The following SOD2 variants were observed in gnomAD, a reference collection of about 807,000 sequenced individuals.
The protein encoded by SOD2 is superoxide dismutase 2.
SOD2 carries 11 observed loss-of-function variants against 27.0 expected under a neutral mutation model. The ratio of observed to expected loss-of-function variants is 0.41; its 90% CI spans 0.26 to 0.67. The LOEUF (loss-of-function observed/expected upper bound fraction) is 0.67, where lower values mean the gene tolerates loss of function less well. SOD2 is among the 30% of genes least tolerant of loss of function. The probability of loss-of-function intolerance (pLI) is 0.34; values close to 1 mark genes in which losing one functional copy is unlikely to be tolerated. For missense variants in SOD2, 250 were observed against 274.5 expected, an observed-to-expected ratio of 0.91 and a Z score of 0.63; for synonymous variants, 105 against 103.0, an observed-to-expected ratio of 1.02 and a Z score of -0.12.
upstream of SOD2, among the ~76,000 whole-genome samples, chr6:159,746,380 G>A (rs947209574): frequency 6.6e-6 from 1 of 152,166 alleles, no homozygotes; most frequent in Non-Finnish European, 1.5e-5. Flanking sequence ...GTTTGTATTA[G>A]GTACCTGTCC....
chr6:159,686,184 G>A (rs1780177948), intron 3 of SOD2, among the ~76,000 whole-genome samples: 1 of 151,844 alleles, frequency 6.6e-6, no homozygotes, highest in African/African-American at 2.4e-5. Context: ...CTTATTCTAC[G>A]GGTTTAAAAG....
chr6:159,720,246 T>G (rs1778007924), intron 1 of SOD2, among the ~76,000 whole-genome samples: 1 of 152,060 alleles, frequency 6.6e-6, no homozygotes, highest in Non-Finnish European at 1.5e-5. Context: ...AGACAGAGTT[T>G]CACCATGTTG....
At chr6:159,730,490 G>T (rs1038331746), upstream of SOD2, among the ~76,000 whole-genome samples, 4 of 152,068 alleles carry the variant, frequency 2.6e-5, no homozygotes, top group Non-Finnish European at 5.9e-5. Flanking sequence ...CGGTACATTC[G>T]TGTGGTGTGA....
At chr6:159,703,950 G>T (rs1330673043) in intron 1 of SOD2, among the ~76,000 whole-genome samples, 1 of 152,190 alleles carries the variant, frequency 6.6e-6, no homozygotes, top group African/African-American at 2.4e-5. Context: ...GTAAGCATGT[G>T]ACACAAGCCT....
intron 1 of SOD2, among the ~76,000 whole-genome samples, chr6:159,742,750 G>A (rs1391314217): frequency 6.6e-6 from 1 of 152,110 alleles, no homozygotes; most frequent in Admixed American, 6.6e-5. Context: ...ACCCATAGAA[G>A]TCATGAACAT....
chr6:159,708,895 A>G (rs994934001), intron 1 of SOD2, among the ~76,000 whole-genome samples: 1 of 152,270 alleles, frequency 6.6e-6, no homozygotes, highest in Non-Finnish European at 1.5e-5. Flanking sequence ...CCAAAACAGC[A>G]TAGTACTGGT....
rs1395597772 is a variant in SOD2 at position 159,672,268 on chromosome 6, G to A, written c.*10225C>T. 6.6e-6 allele frequency: 1 copy of A among 152,132 alleles called. No homozygotes were observed. Among genetic ancestry groups the A allele is most frequent in the Non-Finnish European group, 1.5e-5 (1 of 68,026 alleles). 9.4% of individuals were successfully genotyped at this position (152,132 alleles called of 1,614,324 possible). A position where few individuals can be genotyped will look rare whatever the true frequency, so the allele number is the denominator to read the frequency against. On this transcript the variant is annotated 3_prime_UTR_variant, in exon 5 of 5. Transcript: ENST00000538183. ...GCCACAAAGATACTCCTCGAGAAGAGCAACTCCAAGACACATAATTGTCAG... is the reference window on the plus strand; with the variant it reads ...GCCACAAAGATACTCCTCGAGAAGAACAACTCCAAGACACATAATTGTCAG...
upstream of SOD2, chr6:159,748,740 C>A: frequency 8.1e-7 from 1 of 1,238,106 alleles, no homozygotes; most frequent in Non-Finnish European, 1.0e-6. This position sits in a 1 kb window ranked among gnomAD's most constrained non-coding sequence, Gnocchi z 5.6. Flanking sequence ...TGTCTTCAGA[C>A]AGTTTGAAGG....
intron 1 of SOD2, among the ~76,000 whole-genome samples, chr6:159,734,333 T>A (rs115086776): frequency 0.015 from 2,229 of 146,596 alleles, 53 homozygotes; most frequent in African/African-American, 0.053. Flanking sequence ...TTCGAGATGA[T>A]GCCACAGCAC....
chr6:159,753,517 G>T (rs1364900465), intron 1 of SOD2: 19 of 1,614,214 alleles, frequency 1.2e-5, no homozygotes, highest in Non-Finnish European at 1.6e-5. Context: ...AGAATCAAGA[G>T]CTTGGAAGGC....
At chr6:159,743,042 TTTTA>T (rs903710544) in intron 1 of SOD2, among the ~76,000 whole-genome samples, 3 of 152,196 alleles carry the variant, frequency 2.0e-5, no homozygotes, top group Admixed American at 2.0e-4. Context: ...GTTATTACTA[TTTTA>T]TTTATTTATT....
upstream of SOD2, chr6:159,727,623 C>T: frequency 1.0e-6 from 1 of 985,678 alleles, no homozygotes; most frequent in Non-Finnish European, 1.2e-6. Context: ...CGCGGTGGCC[C>T]GGGGGGCCCG....
chr6:159,716,317 G>C (rs1203813385), intron 1 of SOD2, among the ~76,000 whole-genome samples: 1 of 152,098 alleles, frequency 6.6e-6, no homozygotes, highest in Non-Finnish European at 1.5e-5. Context: ...CCGGACCCAG[G>C]GACTTTCCAT....
chr6:159,683,565 A>G (rs574099183), intron 4 of SOD2, among the ~76,000 whole-genome samples: 1 of 152,294 alleles, frequency 6.6e-6, no homozygotes, highest in East Asian at 1.9e-4. Context: ...ATCAGTTGTG[A>G]GGGAGGTCAC....
intron 1 of SOD2, chr6:159,761,012 C>G (rs1780112900): frequency 6.6e-6 from 1 of 152,508 alleles, no homozygotes; most frequent in Non-Finnish European, 1.5e-5. Context: ...TCTATTGCCC[C>G]ACCTCTGGGG....
At chr6:159,697,034 G>GACACACACACACACACACAC (rs35334577), upstream of SOD2, among the ~76,000 whole-genome samples, 11 of 132,646 alleles carry the variant, frequency 8.3e-5, no homozygotes, top group Admixed American at 1.6e-4. Flanking sequence ...AGGAGACCCT[G>GACACACACACACACACACAC]ACACACACAC....
Position 159,673,156 on chromosome 6 carries a change from T to G in SOD2, c.*9337A>C, listed in dbSNP as rs1224922060. 6.6e-6 allele frequency: 1 copy of G among 152,062 alleles called. No individual in the cohort carries two copies. Among genetic ancestry groups the G allele is most frequent in the Non-Finnish European group, 1.5e-5 (1 of 68,024 alleles). The allele number at this position is 152,062 out of a possible 1,614,324, so 9.4% of individuals were successfully genotyped here. ...CTCCCACACAATAACAATGGGAGAC[T>G]CTAACACCCCACTGTCAATATTAGA... is the stretch of plus-strand genomic sequence containing the variant. On this transcript the variant is annotated 3_prime_UTR_variant, in exon 5 of 5. Coordinates refer to ENST00000538183, the MANE Select transcript of SOD2 (RefSeq NM_000636.4).
chr6:159,758,023 G>A (rs760825014), intron 1 of SOD2, among the ~76,000 whole-genome samples: 28 of 152,118 alleles, frequency 1.8e-4, no homozygotes, highest in Non-Finnish European at 2.5e-4. Context: ...ATAACTCAGA[G>A]CACTTATTCT....
At chr6:159,689,515 C>G (rs867642607) in intron 2 of SOD2, among the ~76,000 whole-genome samples, 1 of 152,182 alleles carries the variant, frequency 6.6e-6, no homozygotes, top group Non-Finnish European at 1.5e-5. Context: ...AAATGGAAAT[C>G]CTCTTGTTTA....
Sources: allele counts gnomAD v4.1 joint callset (sites outside exome capture counted in the v4.1 genomes callset), GRCh38; gene constraint gnomAD v4.1.1; non-coding constraint Gnocchi (gnomAD v3.1); transcripts MANE v1.5; gene names NCBI Gene and HGNC (gene_info 2026-07-23, HGNC 2026-07-21).